The following RIMS1 variants were observed in gnomAD, a reference collection of about 807,000 sequenced individuals.
The protein encoded by RIMS1 is regulating synaptic membrane exocytosis protein 1.
RIMS1 carries 83 observed loss-of-function variants against 214.1 expected under a neutral mutation model. The observed-to-expected ratio is 0.39, with a 90% CI of 0.32 to 0.47. RIMS1 has a LOEUF of 0.47. Ranked by LOEUF, RIMS1 falls within the 20% of genes least tolerant of loss-of-function variation. The pLI, the probability that RIMS1 is intolerant of heterozygous loss-of-function variation, is 0.99. For missense variants in RIMS1, 2,050 were observed against 2,161.8 expected (o/e 0.95, Z 1.03); for synonymous variants, 793 against 786.8 (o/e 1.01, Z -0.13).
intron 1 of RIMS1, among the ~76,000 whole-genome samples, chr6:71,919,663 C>T (rs1176177098): frequency 6.6e-6 from 1 of 151,982 alleles, no homozygotes; most frequent in Non-Finnish European, 1.5e-5. Context: ...AGCCTATTTA[C>T]ATTATGGAAG....
chr6:72,208,917 A>G (rs9351900), intron 6 of RIMS1, among the ~76,000 whole-genome samples: 2 of 152,056 alleles, frequency 1.3e-5, no homozygotes, highest in East Asian at 3.9e-4. Flanking sequence ...ATATCCAGTA[A>G]TTGCCTCAAT....
intron 29 of RIMS1, among the ~76,000 whole-genome samples, chr6:72,344,363 T>TCC (rs1265924928): frequency 3.3e-5 from 5 of 151,806 alleles, no homozygotes; most frequent in African/African-American, 1.2e-4. Context: ...GAAGGAAGGC[T>TCC]AAGGTGGTGT....
chr6:72,119,809 C>T (rs1323547613), intron 4 of RIMS1, among the ~76,000 whole-genome samples: 3 of 151,706 alleles, frequency 2.0e-5, no homozygotes, highest in Admixed American at 2.0e-4. Flanking sequence ...CCCACTCCCC[C>T]AACCCCACAA....
intron 29 of RIMS1, among the ~76,000 whole-genome samples, chr6:72,349,411 A>C (rs2097370353): frequency 6.6e-6 from 1 of 152,070 alleles, no homozygotes; most frequent in Non-Finnish European, 1.5e-5. Flanking sequence ...ATTAAAACTT[A>C]TTTGTAATAA....
chr6:72,156,826 G>T (rs1321526861), intron 4 of RIMS1, among the ~76,000 whole-genome samples: 4 of 140,944 alleles, frequency 2.8e-5, no homozygotes, highest in African/African-American at 9.8e-5. Flanking sequence ...ATGCTTACAA[G>T]TGCGAAAGCA....
At chr6:72,216,108 G>A (rs1401265641) in intron 6 of RIMS1, among the ~76,000 whole-genome samples, 1 of 152,048 alleles carries the variant, frequency 6.6e-6, no homozygotes, top group Non-Finnish European at 1.5e-5. Context: ...TCTGAATGTT[G>A]TACTACAATA....
intron 31 of RIMS1, among the ~76,000 whole-genome samples, chr6:72,393,197 T>G (rs1188371338): frequency 6.6e-6 from 1 of 151,808 alleles, no homozygotes; most frequent in African/African-American, 2.4e-5. Context: ...AAAGTTAGTA[T>G]TTTAGACTCA....
intron 2 of RIMS1, among the ~76,000 whole-genome samples, chr6:72,001,239 T>C (rs1264089182): frequency 6.6e-6 from 1 of 152,188 alleles, no homozygotes. Flanking sequence ...CACATTCTTA[T>C]CATGCTCTTC....
At chr6:71,914,135 A>G (rs193219483) in intron 1 of RIMS1, among the ~76,000 whole-genome samples, 2 of 152,280 alleles carry the variant, frequency 1.3e-5, no homozygotes, top group East Asian at 1.9e-4. Flanking sequence ...CCCTTCATCT[A>G]TGAGAGTGAC....
At chr6:72,376,635 T>G (rs1239944586) in intron 29 of RIMS1, among the ~76,000 whole-genome samples, 1 of 151,624 alleles carries the variant, frequency 6.6e-6, no homozygotes, top group African/African-American at 2.4e-5. Context: ...TAGTCCCAGC[T>G]CCTTGGGAGA....
intron 1 of RIMS1, among the ~76,000 whole-genome samples, chr6:71,954,063 T>A (rs868793544): frequency 6.6e-6 from 1 of 152,288 alleles, no homozygotes; most frequent in South Asian, 2.1e-4. Context: ...TTTTGCCTTT[T>A]TAGGTATGTT....
chr6:72,006,575 C>A (rs150293658), intron 2 of RIMS1, among the ~76,000 whole-genome samples: 7 of 152,114 alleles, frequency 4.6e-5, no homozygotes, highest in African/African-American at 1.7e-4. Flanking sequence ...CCTTTCCTAG[C>A]CAAGGAAAGG....
At chr6:72,340,784 A>G (rs13437522) in intron 29 of RIMS1, among the ~76,000 whole-genome samples, 1,803 of 152,094 alleles carry the variant, frequency 0.012, 41 homozygotes, top group African/African-American at 0.042. Flanking sequence ...TTGGTTCCAT[A>G]TGAACTTTAA....
intron 2 of RIMS1, among the ~76,000 whole-genome samples, chr6:72,012,410 C>T (rs1811068840): frequency 6.6e-6 from 1 of 152,094 alleles, no homozygotes; most frequent in South Asian, 2.1e-4. Context: ...AGCACACTAA[C>T]ATGGCACATG....
At chr6:72,180,043 A>G in intron 5 of RIMS1, 128 bp downstream of exon 5, 2 of 577,104 alleles carry the variant, frequency 3.5e-6, no homozygotes, top group East Asian at 5.8e-5. Context: ...ACATGGAAAA[A>G]CAAAAGGCCT....
intron 1 of RIMS1, among the ~76,000 whole-genome samples, chr6:71,903,693 C>T (rs57973567): frequency 0.1 from 15,370 of 151,490 alleles, 1,016 homozygotes; most frequent in Non-Finnish European, 0.14. Flanking sequence ...AAACTGACTT[C>T]GTTTGAGTAG....
intron 1 of RIMS1, among the ~76,000 whole-genome samples, chr6:71,937,076 G>A (rs1784670610): frequency 2.0e-5 from 3 of 152,134 alleles, no homozygotes; most frequent in African/African-American, 7.2e-5. Context: ...TGTAACTATT[G>A]GCTTTTCTGC....
At chr6:72,340,746 G>C (rs985493227) in intron 29 of RIMS1, among the ~76,000 whole-genome samples, 1 of 152,058 alleles carries the variant, frequency 6.6e-6, no homozygotes. Flanking sequence ...TTTTGGCTTA[G>C]GGTTGACTTG....
In RIMS1 at chr6:72,251,337, T is replaced by C. The variant is rs1590616630; in HGVS notation, c.2667T>C (p.Ile889=). ...CACCTTTCATGCCAAGGCGACATATTCATGGAGAAAGCTCTAGCAAAAAGC... is the reference window on the plus strand; with the variant it reads ...CACCTTTCATGCCAAGGCGACATATCCATGGAGAAAGCTCTAGCAAAAAGC... ...QPSPFMPRRH[I]HGESSSKKLQ... is the part of the protein sequence containing the mutation. Residue 889 remains isoleucine, a synonymous_variant, in exon 15 of 34, where the codon ATT becomes ATC. Transcript: ENST00000521978. The C allele has an allele frequency of 6.3e-7, 1 of 1,598,700 alleles. No individual in the cohort carries two copies. Among genetic ancestry groups the C allele is most frequent in the Non-Finnish European group, 8.5e-7 (1 of 1,172,516 alleles).
Sources: allele counts gnomAD v4.1 joint callset (sites outside exome capture counted in the v4.1 genomes callset), GRCh38; gene constraint gnomAD v4.1.1; transcripts MANE v1.5; gene names NCBI Gene and HGNC (gene_info 2026-07-23, HGNC 2026-07-21).